Variants in ATP11A observed in about 807,000 individuals in gnomAD.
ATP11A encodes the protein phospholipid-transporting ATPase IH.
In ATP11A, 81 loss-of-function variants were observed where a neutral mutation model predicts 154.4. That is an observed-to-expected ratio of 0.52 (90% CI 0.44 to 0.63). ATP11A has a LOEUF of 0.63. Ranked by LOEUF, ATP11A falls within the 30% of genes least tolerant of loss-of-function variation. ATP11A has a pLI of 0.00. For synonymous variants in ATP11A, 623 were observed against 585.9 expected, an observed-to-expected ratio of 1.06 and a Z score of -0.91; for missense variants, 1,316 against 1,474.3, an observed-to-expected ratio of 0.89 and a Z score of 1.76.
At chr13:112,723,447 CT>C (rs1566383522) in intron 1 of ATP11A, among the ~76,000 whole-genome samples, 2 of 148,148 alleles carry the variant, frequency 1.3e-5, no homozygotes, top group African/African-American at 5.0e-5. Flanking sequence ...AACTTTTGTA[CT>C]TTTAGTAGAG....
chr13:112,803,835 C>T (rs867303853), intron 2 of ATP11A, among the ~76,000 whole-genome samples: 16 of 90,668 alleles, frequency 1.8e-4, no homozygotes, highest in African/African-American at 5.6e-4. Context: ...TTCCCCTCCT[C>T]CTCCTTCCTC....
At position 112,852,441 on chromosome 13, in the gene ATP11A, C is replaced by T. The variant is rs551765449; in HGVS notation, c.1991+1223C>T. ...TGTGTTTTGTTTTGAAGTCACTCTC[C>T]CCTGTTCAGTCCAGAGTAAGTGCAC... On this transcript the variant is annotated intron_variant, in intron 18 of 29. Transcript: ENST00000375645. Among the ~76,000 whole-genome samples, 5 of 152,304 alleles carry T rather than the reference C, an allele frequency of 3.3e-5. No individual in the cohort carries two copies. In the South Asian group the frequency reaches 8.3e-4, roughly 25 times the overall value.
intron 1 of ATP11A, among the ~76,000 whole-genome samples, chr13:112,761,137 G>A (rs1322571153): frequency 6.6e-6 from 1 of 152,086 alleles, no homozygotes; most frequent in Admixed American, 6.5e-5. Context: ...ATGGCCTCTC[G>A]GTTATCAGAT....
At position 112,696,664 on chromosome 13, in the gene ATP11A, C is replaced by G. The variant is rs1396582144; in HGVS notation, c.39+6209C>G. On this transcript the variant is annotated intron_variant, in intron 1 of 29. Coordinates refer to ENST00000375645, the MANE Select transcript of ATP11A (RefSeq NM_015205.3). This position sits in a 1 kb window ranked among gnomAD's most constrained non-coding sequence, Gnocchi z 6.2. Reference sequence around the variant, plus strand: ...TGGCCCGTCCTTCCTTCTCCTGTCTCTTCTGTGCCTACCGCGGGGGGTTCC... The same window carrying G: ...TGGCCCGTCCTTCCTTCTCCTGTCTGTTCTGTGCCTACCGCGGGGGGTTCC... 2.6e-5 allele frequency among the ~76,000 whole-genome samples: 4 copies of G among 152,090 alleles called. No homozygotes were observed. Among genetic ancestry groups the G allele is most frequent in the Admixed American group, 6.5e-5 (1 of 15,278 alleles).
At chr13:112,719,164 G>A (rs1456221122) in intron 1 of ATP11A, among the ~76,000 whole-genome samples, 3 of 151,798 alleles carry the variant, frequency 2.0e-5, no homozygotes, top group Non-Finnish European at 4.4e-5. Context: ...ACGCGCAGGT[G>A]TGACTTTGAA....
intron 1 of ATP11A, among the ~76,000 whole-genome samples, chr13:112,709,279 C>G (rs537404892): frequency 6.6e-6 from 1 of 152,354 alleles, no homozygotes; most frequent in South Asian, 2.1e-4. Context: ...ACTTTCCAAT[C>G]TGACTCTGGC....
In ATP11A at chr13:112,860,485, A is replaced by G. The variant is rs532335786; in HGVS notation, c.2855+71A>G. The G allele has an allele frequency of 1.6e-3, 2,536 of 1,585,192 alleles. 9 individuals are homozygous for G. Among genetic ancestry groups the G allele is most frequent in the Non-Finnish European group, 1.6e-3 (1,847 of 1,159,130 alleles). ...AGGCAGCACTCTGGCAGTTCCTTCC[A>G]ATAGCCACCTGGCAGACCTCAGTTG... On this transcript the variant is annotated intron_variant, in intron 24 of 29. Transcript: ENST00000375645.
At chr13:112,797,172 A>C (rs2078021169) in intron 2 of ATP11A, among the ~76,000 whole-genome samples, 1 of 151,636 alleles carries the variant, frequency 6.6e-6, no homozygotes, top group South Asian at 2.1e-4. Context: ...AATCCCAGCT[A>C]CTTGGGAGGC....
At chr13:112,758,279 C>T (rs2076887659) in intron 1 of ATP11A, among the ~76,000 whole-genome samples, 1 of 151,916 alleles carries the variant, frequency 6.6e-6, no homozygotes, top group Non-Finnish European at 1.5e-5. Flanking sequence ...CCAGGCTGGT[C>T]TCGAACTCCT....
intron 1 of ATP11A, among the ~76,000 whole-genome samples, chr13:112,732,460 C>G (rs941722475): frequency 1.3e-5 from 2 of 152,058 alleles, no homozygotes; most frequent in Admixed American, 6.6e-5. Context: ...CTCTCCAGCT[C>G]TGTCTCTCTC....
At chr13:112,761,449 T>C (rs2076959929) in intron 1 of ATP11A, among the ~76,000 whole-genome samples, 1 of 152,220 alleles carries the variant, frequency 6.6e-6, no homozygotes, top group African/African-American at 2.4e-5. Flanking sequence ...TTATTGTTAA[T>C]CTCTTACTGT....
At position 112,819,438 on chromosome 13, in the gene ATP11A, G is replaced by A. The variant is rs764202268; in HGVS notation, c.674+31G>A. The A allele has an allele frequency of 6.3e-6, 10 of 1,594,862 alleles. 1 individual carries two copies. The South Asian group carries it at 7.7e-5, about 12-fold the overall frequency. On this transcript the variant is annotated intron_variant, in intron 7 of 29. Transcript: ENST00000375645. ...CGGGAGCTTTGGGTTCTTTAGAAAC[G>A]GTTTTTTATGCCCTCAACATTGCTC...
chr13:112,725,406 C>T (rs990652181), intron 1 of ATP11A, among the ~76,000 whole-genome samples: 9 of 152,200 alleles, frequency 5.9e-5, no homozygotes, highest in African/African-American at 1.9e-4. Context: ...GGGCATGCAC[C>T]AGCCTCCTTC....
chr13:112,854,145 C>T (rs1456706099), intron 18 of ATP11A, 134 bp from the exon 19 acceptor site: 1 of 1,199,686 alleles, frequency 8.3e-7, no homozygotes, highest in Non-Finnish European at 1.2e-6. Flanking sequence ...AGATCATGAG[C>T]CACAGTGTGG....
At chr13:112,719,014 G>A (rs1888834764) in intron 1 of ATP11A, among the ~76,000 whole-genome samples, 1 of 152,150 alleles carries the variant, frequency 6.6e-6, no homozygotes, top group Non-Finnish European at 1.5e-5. Context: ...TTGAGGGAGG[G>A]TTAGGATTTC....
intron 1 of ATP11A, among the ~76,000 whole-genome samples, chr13:112,706,641 T>G (rs982452543): frequency 9.2e-5 from 14 of 152,266 alleles, no homozygotes; most frequent in Non-Finnish European, 1.6e-4. Flanking sequence ...AGTATTTTCC[T>G]GTAAAATTGT....
chr13:112,756,813 G>A (rs933767582), intron 1 of ATP11A, among the ~76,000 whole-genome samples: 1 of 151,808 alleles, frequency 6.6e-6, no homozygotes, highest in Non-Finnish European at 1.5e-5. Flanking sequence ...TGCTCCCAGC[G>A]AGGGGTCTGC....
intron 1 of ATP11A, among the ~76,000 whole-genome samples, chr13:112,705,124 C>T (rs529935072): frequency 9.2e-5 from 14 of 152,334 alleles, no homozygotes; most frequent in African/African-American, 2.9e-4. Context: ...CAAGTATACA[C>T]GTGCTTTTTT....
intron 1 of ATP11A, among the ~76,000 whole-genome samples, chr13:112,711,005 C>T (rs897783770): frequency 1.7e-5 from 2 of 117,872 alleles, no homozygotes; most frequent in African/African-American, 3.0e-5. Flanking sequence ...AGCAGGGACT[C>T]GGTTCTCAAA....
Sources: allele counts gnomAD v4.1 joint callset (sites outside exome capture counted in the v4.1 genomes callset), GRCh38; gene constraint gnomAD v4.1.1; non-coding constraint Gnocchi (gnomAD v3.1); transcripts MANE v1.5; gene names NCBI Gene and HGNC (gene_info 2026-07-23, HGNC 2026-07-21).